Variants in DHX30 observed in about 807,000 individuals in gnomAD.
DHX30 encodes ATP-dependent RNA helicase DHX30.
In DHX30, 4 loss-of-function variants were observed where a neutral mutation model predicts 116.9. The observed-to-expected ratio is 0.03, with a 90% CI of 0.02 to 0.08. DHX30 has a LOEUF of 0.08. Ranked by LOEUF, DHX30 falls within the 10% of genes least tolerant of loss-of-function variation. The pLI is 1.00. For synonymous variants in DHX30, 697 were observed against 651.7 expected, an observed-to-expected ratio of 1.07 and a Z score of -1.06; for missense variants, 871 against 1,595.1, an observed-to-expected ratio of 0.55 and a Z score of 7.73.
chr3:47,841,473 A>G (rs1472177446), intron 7 of DHX30, 144 bp from the exon 8 acceptor site: 3 of 1,147,866 alleles, frequency 2.6e-6, no homozygotes, highest in South Asian at 1.5e-5. Flanking sequence ...AGGAGCAGAG[A>G]CGCCCGGTTT....
rs989137913 is a variant in DHX30, at chr3:47,805,342, G to A, written c.-106G>A. Reference sequence around the variant, plus strand: ...ACTTCTCAGGAGGAGGCCCAGCCTCGTGATGAGGAATAGCAAGGAGAGAAT... The same window carrying A: ...ACTTCTCAGGAGGAGGCCCAGCCTCATGATGAGGAATAGCAAGGAGAGAAT... On this transcript the variant is annotated 5_prime_UTR_variant, in exon 2 of 22. It adds an upstream start codon to the 5' untranslated region. Coordinates refer to ENST00000445061, the MANE Select transcript of DHX30 (RefSeq NM_138615.3). 7 of 399,050 alleles carry A rather than the reference G, an allele frequency of 1.8e-5. No individual in the cohort carries two copies. Among genetic ancestry groups the A allele is most frequent in the Admixed American group, 4.4e-5 (1 of 22,736 alleles). 24.7% of individuals were successfully genotyped at this position (399,050 alleles called of 1,614,324 possible). A position where few individuals can be genotyped will look rare whatever the true frequency, so the allele number is the denominator to read the frequency against.
intron 6 of DHX30, among the ~76,000 whole-genome samples, chr3:47,839,475 G>A (rs919952404): frequency 6.6e-6 from 1 of 151,568 alleles, no homozygotes; most frequent in East Asian, 1.9e-4. Flanking sequence ...TGTGTTTTTA[G>A]TAGAGACGGG....
At chr3:47,808,918 C>T (rs1309295212) in intron 2 of DHX30, among the ~76,000 whole-genome samples, 1 of 147,418 alleles carries the variant, frequency 6.8e-6, no homozygotes, top group East Asian at 2.0e-4. Context: ...GACAGAGTCT[C>T]ACTCTTGTTG....
chr3:47,833,126 G>A lies in DHX30; in HGVS notation c.366+3992G>A, dbSNP rs370830631. Among the ~76,000 whole-genome samples the A allele has an allele frequency of 6.6e-5, 10 of 151,826 alleles. No individual in the cohort carries two copies. In the East Asian group the frequency reaches 1.7e-3, roughly 26 times the overall value. Reference sequence around the variant, plus strand: ...GTCTTTATTTAATGTGTACAGTATGGTGTTTCATATTCACATACACTTTCA... The same window carrying A: ...GTCTTTATTTAATGTGTACAGTATGATGTTTCATATTCACATACACTTTCA... On this transcript the variant is annotated intron_variant, in intron 6 of 21. Transcript: ENST00000445061.
At chr3:47,849,819 G>C in intron 21 of DHX30, 48 bp from the exon 22 acceptor site, 2 of 1,608,096 alleles carry the variant, frequency 1.2e-6, no homozygotes, top group Non-Finnish European at 1.7e-6. Context: ...CTGCTCCTCC[G>C]GGGCCTGGCC....
chr3:47,817,561 T>C (rs1248583391), intron 3 of DHX30, among the ~76,000 whole-genome samples: 1 of 152,152 alleles, frequency 6.6e-6, no homozygotes, highest in Non-Finnish European at 1.5e-5. Context: ...ACCCAGCTCT[T>C]GGAGGGAAAG....
intron 2 of DHX30, among the ~76,000 whole-genome samples, chr3:47,807,109 G>A (rs1359028155): frequency 6.6e-6 from 1 of 152,046 alleles, no homozygotes; most frequent in African/African-American, 2.4e-5. Context: ...GGGAGACTGA[G>A]ACAGGAGAAT....
At position 47,841,196 on chromosome 3, in the gene DHX30, G is replaced by C. The variant is rs1559714981; in HGVS notation, c.668+18G>C. 6.2e-7 allele frequency: 1 copy of C among 1,611,234 alleles called. No homozygotes were observed. Among genetic ancestry groups the C allele is most frequent in the Non-Finnish European group, 8.5e-7 (1 of 1,179,534 alleles). On this transcript the variant is annotated intron_variant, in intron 7 of 21. Coordinates refer to ENST00000445061, the MANE Select transcript of DHX30 (RefSeq NM_138615.3). ...GACTCAAGGTACAGATGGAGGATGG[G>C]GATGCAGCAGAGGCTGGCTGTGCCT...
intron 6 of DHX30, among the ~76,000 whole-genome samples, chr3:47,831,893 G>GAA: frequency 7.1e-6 from 1 of 140,800 alleles, no homozygotes; most frequent in African/African-American, 2.6e-5. Context: ...GCACACTTTA[G>GAA]GTATTTAGTT....
chr3:47,846,805 TGCA>T lies in DHX30; in HGVS notation c.1736_1738del (p.Gln579del). On this transcript the variant is annotated inframe_deletion, in exon 11 of 22. Coordinates refer to ENST00000445061, the MANE Select transcript of DHX30 (RefSeq NM_138615.3). ...TTTCTGCTGATCCTGCTCAAGGGCC[TGCA>T]GCGGCTCAACCCGGCCCTGCGGCTG... 1 of 1,613,494 alleles carries T rather than the reference TGCA, an allele frequency of 6.2e-7. No homozygotes were observed. Among genetic ancestry groups the T allele is most frequent in the Non-Finnish European group, 8.5e-7 (1 of 1,179,900 alleles).
chr3:47,805,166 G>C (rs1478918454), intron 1 of DHX30, among the ~76,000 whole-genome samples, 160 bp from the exon 2 acceptor site: 1 of 152,184 alleles, frequency 6.6e-6, no homozygotes, highest in Non-Finnish European at 1.5e-5. Flanking sequence ...GGCCTAGAAT[G>C]GGTCATGGTA....
Position 47,849,974 on chromosome 3 carries a change from C to T in DHX30, c.3439C>T (p.Arg1147Cys), listed in dbSNP as rs748261492. 2.7e-5 allele frequency: 44 copies of T among 1,612,668 alleles called. No homozygotes were observed. The East Asian group carries it at 2.9e-4, about 11-fold the overall frequency. Reference sequence around the variant, plus strand: ...GAAGGAGCTGCGGCGGGCCCTGGGCCGCATGGTGGAGCGGAGCCTGCGCAG... The same window carrying T: ...GAAGGAGCTGCGGCGGGCCCTGGGCTGCATGGTGGAGCGGAGCCTGCGCAG... The part of the protein sequence containing the change: ...LLKELRRALG[R>C]MVERSLRSEL... Residue 1147 changes from arginine (R) to cysteine (C), a missense_variant, in exon 22 of 22, where the codon CGC becomes TGC. Arg to Cys is a radical substitution (Grantham distance 180, BLOSUM62 -3). Around this residue, in one of 13 missense-constraint regions of DHX30, gnomAD observed 238 missense variants for 481.0 expected, o/e 0.49. Coordinates refer to ENST00000445061, the MANE Select transcript of DHX30 (RefSeq NM_138615.3).
At position 47,849,189 on chromosome 3, in the gene DHX30, T is replaced by C; in HGVS notation, c.2930-3T>C. ...AGGTCCACCACACATTCTGTCTCCC[T>C]AGGACTCATCAAGCAGTTCTCAGAG... On this transcript the variant is annotated splice_region_variant and splice_polypyrimidine_tract_variant and intron_variant, in intron 18 of 21. Coordinates refer to ENST00000445061, the MANE Select transcript of DHX30 (RefSeq NM_138615.3). 6.2e-7 allele frequency: 1 copy of C among 1,613,846 alleles called. No individual in the cohort carries two copies. Among genetic ancestry groups the C allele is most frequent in the Non-Finnish European group, 8.5e-7 (1 of 1,179,918 alleles).
In DHX30 at chr3:47,846,823, C is replaced by T. The variant is rs1355865967; in HGVS notation, c.1751C>T (p.Ala584Val). 1 of 1,612,960 alleles carries T rather than the reference C, an allele frequency of 6.2e-7. No individual in the cohort carries two copies. Among genetic ancestry groups the T allele is most frequent in the East Asian group, 2.2e-5 (1 of 44,870 alleles). Reference sequence around the variant, plus strand: ...AAGGGCCTGCAGCGGCTCAACCCGGCCCTGCGGCTGGTGCTCATGAGTGCC... The same window carrying T: ...AAGGGCCTGCAGCGGCTCAACCCGGTCCTGCGGCTGGTGCTCATGAGTGCC... Reference protein sequence around the residue: ...LLKGLQRLNPALRLVLMSATG... With the variant: ...LLKGLQRLNPVLRLVLMSATG... Residue 584 changes from alanine (A) to valine (V), a missense_variant, in exon 11 of 22, where the codon GCC becomes GTC. Transcript: ENST00000445061.
In DHX30 at chr3:47,849,894, TGAGC is replaced by T; in HGVS notation, c.3362_3365del (p.Ser1121ThrfsTer17). The T allele has an allele frequency of 6.2e-7, 1 of 1,613,330 alleles. No individual in the cohort carries two copies. Among genetic ancestry groups the T allele is most frequent in the Non-Finnish European group, 8.5e-7 (1 of 1,179,602 alleles). ...GACGGGCGCCGGGCCACCATCTCAC[TGAGC>T]GACAGTGACCTGCTGCGGCTGGAGG... On this transcript the variant is annotated frameshift_variant, in exon 22 of 22. Transcript: ENST00000445061. LOFTEE classifies it high-confidence loss of function.
At chr3:47,845,088 G>A (rs918471314) in intron 9 of DHX30, among the ~76,000 whole-genome samples, 3 of 152,226 alleles carry the variant, frequency 2.0e-5, no homozygotes, top group African/African-American at 7.2e-5. Flanking sequence ...TGGTGTTGGG[G>A]GGGCTGTAGC....
chr3:47,848,407 G>A lies in DHX30; in HGVS notation c.2493+21G>A. 3.1e-6 allele frequency: 5 copies of A among 1,613,896 alleles called. No homozygotes were observed. Among genetic ancestry groups the A allele is most frequent in the Non-Finnish European group, 4.2e-6 (5 of 1,179,976 alleles). ...AGACGGTGCGGCGGGGCGGGGCAGGGGCTGGCCTGGGGACCAGGCAGGTGG... is the reference window on the plus strand; with the variant it reads ...AGACGGTGCGGCGGGGCGGGGCAGGAGCTGGCCTGGGGACCAGGCAGGTGG... On this transcript the variant is annotated intron_variant, in intron 15 of 21. Transcript: ENST00000445061. This position sits in a 1 kb window ranked among gnomAD's most constrained non-coding sequence, Gnocchi z 9.4.
Position 47,847,102 on chromosome 3 carries a change from C to G in DHX30, c.1929+101C>G. 6.0e-6 allele frequency: 9 copies of G among 1,506,254 alleles called. No individual in the cohort carries two copies. Among genetic ancestry groups the G allele is most frequent in the Non-Finnish European group, 8.2e-6 (9 of 1,103,342 alleles). 93.3% of individuals were successfully genotyped at this position (1,506,254 alleles called of 1,614,324 possible). ...TTGGTGCCTGGGGCAAGTTACCCTC[C>G]CCAGTCCTCGGTTTCCTTGATAGAA... On this transcript the variant is annotated intron_variant, in intron 11 of 21. Coordinates refer to ENST00000445061, the MANE Select transcript of DHX30 (RefSeq NM_138615.3). This position sits in a 1 kb window ranked among gnomAD's most constrained non-coding sequence, Gnocchi z 5.5.
At position 47,840,954 on chromosome 3, in the gene DHX30, C is replaced by G; in HGVS notation, c.444C>G (p.Ser148=). Residue 148 remains serine, a synonymous_variant, in exon 7 of 22, where the codon TCC becomes TCG. Transcript: ENST00000445061. ...GAGTGCTAGCTGATCGCTTTGGCTC[C>G]CCTGCCGACAGCTGGTGGCGTCCGG... ...KYRVLADRFG[S]PADSWWRPEP... The G allele has an allele frequency of 6.2e-7, 1 of 1,614,232 alleles. No individual in the cohort carries two copies. Among genetic ancestry groups the G allele is most frequent in the African/African-American group, 1.3e-5 (1 of 75,056 alleles).
Sources: allele counts gnomAD v4.1 joint callset (sites outside exome capture counted in the v4.1 genomes callset), GRCh38; gene constraint gnomAD v4.1.1; regional missense constraint gnomAD v4.1.1; non-coding constraint Gnocchi (gnomAD v3.1); transcripts MANE v1.5; gene names NCBI Gene and HGNC (gene_info 2026-07-23, HGNC 2026-07-21).